ZNF577: variants seen among roughly 807,000 people sequenced by gnomAD.
The protein encoded by ZNF577 is zinc finger protein 577.
A neutral mutation model predicts 13.9 loss-of-function variants in ZNF577; 14 were observed. The observed-to-expected ratio is 1.00, with a 90% CI of 0.66 to 1.57. The LOEUF (loss-of-function observed/expected upper bound fraction) is 1.57, where lower values mean the gene tolerates loss of function less well. ZNF577 is among the 40% of genes most tolerant of loss of function. ZNF577 has a pLI of 0.00. For missense variants in ZNF577, 555 were observed against 579.2 expected (o/e 0.96, Z 0.43); for synonymous variants, 203 against 202.9 (o/e 1.00, Z 0.00).
intron 9 of ZNF577, among the ~76,000 whole-genome samples, chr19:51,823,400 C>CT (rs990123223): frequency 8.5e-5 from 13 of 152,166 alleles, no homozygotes; most frequent in African/African-American, 3.1e-4. Flanking sequence ...CCTTCTGACT[C>CT]TGAGTCTTGT....
At chr19:51,873,849 G>C in intron 5 of ZNF577, 143 bp from the exon 6 acceptor site, 1 of 702,814 alleles carries the variant, frequency 1.4e-6, no homozygotes, top group Admixed American at 3.2e-5. Context: ...GCTCATTTTG[G>C]TTTTCTGGGT....
In ZNF577 at chr19:51,859,294, G is replaced by A. The variant is rs554470517; in HGVS notation, c.284-14363C>T. ...AATGCTATTTTGGCTATTGTGAACA[G>A]TGCTATAAACATTCATGGACAAATA... On this transcript the variant is annotated intron_variant and NMD_transcript_variant, in intron 5 of 10. Transcript: ENST00000638827. Among the ~76,000 whole-genome samples, 72 of 152,250 alleles carry A rather than the reference G, an allele frequency of 4.7e-4. No homozygotes were observed. The South Asian group carries it at 0.015, about 31-fold the overall frequency.
rs938965779 is a variant in ZNF577, at chr19:51,868,412, T to A, written c.*4120A>T. ...CCCAGCCTCCAACATGGGATCCATC[T>A]GGCCCATGAGAGCAGGAAGAACAAG... On this transcript the variant is annotated 3_prime_UTR_variant, in exon 6 of 6. Transcript: ENST00000638348. Among the ~76,000 whole-genome samples, 16 of 152,084 alleles carry A rather than the reference T, an allele frequency of 1.1e-4. No individual in the cohort carries two copies. The highest frequency in any genetic ancestry group is 2.2e-4 in the Non-Finnish European group (15 of 68,004).
intron 1 of ZNF577, among the ~76,000 whole-genome samples, chr19:51,885,696 G>A (rs933484647): frequency 2.0e-5 from 3 of 152,112 alleles, no homozygotes. Context: ...ATTTAGTAGG[G>A]ATGGGGTTTC....
chr19:51,872,528 A>G lies in ZNF577; in HGVS notation c.*4T>C. On this transcript the variant is annotated 3_prime_UTR_variant, in exon 6 of 6. Transcript: ENST00000638348. Reference sequence around the variant, plus strand: ...ATTTTCCCACCTTTCTGGTATCAGAAGATTTATTCTGATACAATATCTGTA... The same window carrying G: ...ATTTTCCCACCTTTCTGGTATCAGAGGATTTATTCTGATACAATATCTGTA... 1.3e-6 allele frequency: 2 copies of G among 1,552,540 alleles called. No individual in the cohort carries two copies. The highest frequency in any genetic ancestry group is 1.2e-5 in the South Asian group (1 of 81,956).
chr19:51,884,035 C>A (rs1361901720), intron 1 of ZNF577, among the ~76,000 whole-genome samples: 1 of 152,210 alleles, frequency 6.6e-6, no homozygotes, highest in Non-Finnish European at 1.5e-5. Flanking sequence ...GATAACGCCA[C>A]TGCAGTCCGG....
chr19:51,817,978 C>CTTTTTT (rs142320718), intron 9 of ZNF577: 1 of 148,152 alleles, frequency 6.7e-6, no homozygotes, highest in Non-Finnish European at 1.5e-5. Flanking sequence ...TTTTTTCAGT[C>CTTTTTT]TTTTTTTTTT....
At chr19:51,861,616 A>G (rs928245864) in intron 5 of ZNF577, 1 of 152,240 alleles carries the variant, frequency 6.6e-6, no homozygotes, top group Non-Finnish European at 1.5e-5. Flanking sequence ...AAGCTCTCTC[A>G]TATTCCAAGT....
At chr19:51,879,682 G>T (rs1295216754) in intron 3 of ZNF577, among the ~76,000 whole-genome samples, 1 of 152,074 alleles carries the variant, frequency 6.6e-6, no homozygotes, top group African/African-American at 2.4e-5. Flanking sequence ...TCAATCACAG[G>T]GAGGAACTAG....
chr19:51,823,722 T>C, intron 9 of ZNF577: 2 of 1,533,946 alleles, frequency 1.3e-6, no homozygotes, highest in South Asian at 1.3e-5. Context: ...GAAATGGCCA[T>C]TGCTGAAATG....
chr19:51,845,475 G>A (rs1277386543), intron 5 of ZNF577, among the ~76,000 whole-genome samples: 3 of 151,258 alleles, frequency 2.0e-5, no homozygotes, highest in Non-Finnish European at 4.4e-5. Flanking sequence ...GGCAACAAGA[G>A]CAAAACTCTG....
At chr19:51,849,980 C>A (rs1173287101) in intron 5 of ZNF577, among the ~76,000 whole-genome samples, 1 of 152,174 alleles carries the variant, frequency 6.6e-6, no homozygotes, top group Admixed American at 6.5e-5. Flanking sequence ...TGTGCTGTAT[C>A]ATTCTTTTAA....
intron 5 of ZNF577, among the ~76,000 whole-genome samples, chr19:51,845,316 A>T (rs1467382056): frequency 6.6e-6 from 1 of 152,112 alleles, no homozygotes; most frequent in Non-Finnish European, 1.5e-5. Context: ...CAACATGGAG[A>T]AACCCGGTCA....
rs1312411206 is a variant in ZNF577, at chr19:51,833,273, G to A, written c.*599+6620C>T. 7.2e-5 allele frequency among the ~76,000 whole-genome samples: 11 copies of A among 151,910 alleles called. No individual in the cohort carries two copies. In the East Asian group the frequency reaches 1.2e-3, roughly 16 times the overall value. ...TCAAGTCAGTAATCAAGGCAATCAC[G>A]GGAATCATCTTATTTGTTTCCCCTT... On this transcript the variant is annotated intron_variant and NMD_transcript_variant, in intron 9 of 10. Coordinates refer to the ZNF577 transcript ENST00000638827.
chr19:51,823,569 T>C (rs1489633444), intron 9 of ZNF577, among the ~76,000 whole-genome samples: 1 of 152,194 alleles, frequency 6.6e-6, no homozygotes, highest in Non-Finnish European at 1.5e-5. Flanking sequence ...TAGAGAACTA[T>C]CGTTTCCCAA....
chr19:51,842,990 GT>G (rs1438528659), intron 7 of ZNF577: 1 of 152,184 alleles, frequency 6.6e-6, no homozygotes, highest in Non-Finnish European at 1.5e-5. Context: ...GAAATGCACA[GT>G]ATACATCTCA....
chr19:51,845,694 G>T (rs1037546346), intron 5 of ZNF577, among the ~76,000 whole-genome samples: 1 of 152,002 alleles, frequency 6.6e-6, no homozygotes, highest in Non-Finnish European at 1.5e-5. Flanking sequence ...AATAATTTTA[G>T]ATTTCACACA....
intron 5 of ZNF577, among the ~76,000 whole-genome samples, chr19:51,875,235 T>A (rs544713870): frequency 6.6e-6 from 1 of 151,834 alleles, no homozygotes; most frequent in Admixed American, 6.6e-5. Context: ...TGGTGGCAGG[T>A]GCCTGTAATC....
intron 5 of ZNF577, among the ~76,000 whole-genome samples, chr19:51,845,173 A>G (rs1344418213): frequency 6.6e-6 from 1 of 152,132 alleles, no homozygotes; most frequent in Non-Finnish European, 1.5e-5. Context: ...TGAACACTTG[A>G]AATCTATTCT....
Sources: gnomAD v4.1 joint callset for allele counts (sites outside exome capture counted in the v4.1 genomes callset) on GRCh38, gnomAD v4.1.1 for gene constraint, MANE v1.5 for transcripts, NCBI Gene and HGNC (gene_info 2026-07-23, HGNC 2026-07-21) for gene names.